PLCL2: variants seen among roughly 807,000 people sequenced by gnomAD.
PLCL2 encodes inactive phospholipase C-like protein 2.
Under a neutral mutation model 79.6 loss-of-function variants are expected in PLCL2, and 4 were observed. The observed-to-expected ratio is 0.05, with a 90% CI of 0.02 to 0.11. The LOEUF is 0.11. PLCL2 is among the 10% of genes least tolerant of loss of function. The pLI is 1.00. For synonymous variants in PLCL2, 484 were observed against 457.7 expected, an observed-to-expected ratio of 1.06 and a Z score of -0.73; for missense variants, 895 against 1,291.0, an observed-to-expected ratio of 0.69 and a Z score of 4.70.
intron 1 of PLCL2, among the ~76,000 whole-genome samples, chr3:16,969,495 C>T (rs1237373005): frequency 6.6e-6 from 1 of 151,988 alleles, no homozygotes; most frequent in Admixed American, 6.6e-5. Context: ...AGGAATTTAT[C>T]CATTTCTTCT....
intron 3 of PLCL2, among the ~76,000 whole-genome samples, chr3:17,019,634 C>T (rs2064426068): frequency 6.6e-6 from 1 of 151,994 alleles, no homozygotes; most frequent in Non-Finnish European, 1.5e-5. Context: ...TCTTGTGCCC[C>T]ATAAAGATAG....
intron 4 of PLCL2, among the ~76,000 whole-genome samples, chr3:17,054,004 T>A (rs991154015): frequency 6.6e-6 from 1 of 152,202 alleles, no homozygotes; most frequent in Non-Finnish European, 1.5e-5. Flanking sequence ...ATGGCCAGGC[T>A]GCAAATTTTT....
chr3:17,026,991 C>T (rs1465738144), intron 3 of PLCL2, among the ~76,000 whole-genome samples: 5 of 151,960 alleles, frequency 3.3e-5, no homozygotes, highest in Non-Finnish European at 7.4e-5. Context: ...TGGGATGGTA[C>T]GAATTTTAAG....
At chr3:17,003,798 C>G (rs886174054) in intron 1 of PLCL2, among the ~76,000 whole-genome samples, 3 of 152,112 alleles carry the variant, frequency 2.0e-5, no homozygotes, top group African/African-American at 4.8e-5. Flanking sequence ...TCTGCTACCC[C>G]CTGGGGCAAT....
rs114569530 is a variant in PLCL2, at chr3:16,899,885, C to T, written c.327+14519C>T. Among the ~76,000 whole-genome samples, 332 of 146,276 alleles carry T rather than the reference C, an allele frequency of 2.3e-3. 1 individual carries two copies. Among genetic ancestry groups the T allele is most frequent in the Non-Finnish European group, 3.6e-3 (240 of 66,974 alleles). Reference sequence around the variant, plus strand: ...AGAAACTATCCTATTTTAGAGGGCACGTTTACTTTTTCCCATCTCTTATTT... The same window carrying T: ...AGAAACTATCCTATTTTAGAGGGCATGTTTACTTTTTCCCATCTCTTATTT... On this transcript the variant is annotated intron_variant, in intron 1 of 5. Coordinates refer to ENST00000615277, the MANE Select transcript of PLCL2 (RefSeq NM_001144382.2).
At chr3:16,908,943 A>G (rs1421659524) in intron 1 of PLCL2, among the ~76,000 whole-genome samples, 2 of 152,180 alleles carry the variant, frequency 1.3e-5, no homozygotes, top group South Asian at 2.1e-4. Flanking sequence ...GCATCGTGAC[A>G]TCTTAAGTTA....
At chr3:16,975,730 G>A (rs2063919003) in intron 1 of PLCL2, among the ~76,000 whole-genome samples, 1 of 152,206 alleles carries the variant, frequency 6.6e-6, no homozygotes, top group Non-Finnish European at 1.5e-5. Flanking sequence ...TTGGACAGAA[G>A]TCCAGGATGA....
chr3:16,994,301 T>G (rs2064131378), intron 1 of PLCL2, among the ~76,000 whole-genome samples: 1 of 152,116 alleles, frequency 6.6e-6, no homozygotes, highest in Non-Finnish European at 1.5e-5. Flanking sequence ...ATCACTTGAG[T>G]CTTCTGGATT....
At chr3:16,927,116 G>A (rs1697274678) in intron 1 of PLCL2, among the ~76,000 whole-genome samples, 1 of 152,114 alleles carries the variant, frequency 6.6e-6, no homozygotes, top group Non-Finnish European at 1.5e-5. Context: ...TATAGCTAAA[G>A]TGAAATGTTA....
chr3:17,018,207 G>A (rs899400294), intron 3 of PLCL2, among the ~76,000 whole-genome samples: 1 of 152,118 alleles, frequency 6.6e-6, no homozygotes, highest in African/African-American at 2.4e-5. Context: ...GTGCCTGGAG[G>A]CCTGGGGCAC....
chr3:16,898,938 G>T (rs1191953015), intron 1 of PLCL2, among the ~76,000 whole-genome samples: 2 of 152,252 alleles, frequency 1.3e-5, no homozygotes, highest in Non-Finnish European at 2.9e-5. Flanking sequence ...TGGAGGGGGA[G>T]GGGGTTGCGG....
chr3:17,032,434 T>C (rs1055345097), intron 3 of PLCL2, among the ~76,000 whole-genome samples: 2 of 152,192 alleles, frequency 1.3e-5, no homozygotes, highest in African/African-American at 4.8e-5. Flanking sequence ...AGTGCATTCA[T>C]TGTTTTGATT....
At chr3:17,063,220 TCCTTCCTC>T (rs1461716077) in intron 4 of PLCL2, among the ~76,000 whole-genome samples, 9 of 55,028 alleles carry the variant, frequency 1.6e-4, no homozygotes, top group East Asian at 1.1e-3. Context: ...CTCTTTCTCT[TCCTTCCTC>T]CCTCCCTCCC....
intron 1 of PLCL2, among the ~76,000 whole-genome samples, chr3:16,893,050 G>A (rs746615091): frequency 2.0e-4 from 31 of 152,132 alleles, no homozygotes; most frequent in Non-Finnish European, 2.8e-4. Flanking sequence ...AATTTTTAAT[G>A]AGAAAAGTTT....
chr3:16,905,050 C>T (rs1450344692), intron 1 of PLCL2, among the ~76,000 whole-genome samples: 1 of 151,998 alleles, frequency 6.6e-6, no homozygotes, highest in Non-Finnish European at 1.5e-5. Context: ...AGTCTTTTTG[C>T]AAGCAGAAGC....
chr3:17,015,694 A>C (rs559964253), intron 3 of PLCL2, among the ~76,000 whole-genome samples: 1 of 152,318 alleles, frequency 6.6e-6, no homozygotes, highest in East Asian at 1.9e-4. Context: ...CTTGGGGGTG[A>C]GTACCTCATC....
At chr3:16,981,071 G>T (rs911691520) in intron 1 of PLCL2, among the ~76,000 whole-genome samples, 1 of 152,212 alleles carries the variant, frequency 6.6e-6, no homozygotes, top group Admixed American at 6.5e-5. Context: ...GTTGCAGTGA[G>T]CCGAGATGGC....
intron 1 of PLCL2, among the ~76,000 whole-genome samples, chr3:16,910,003 A>G (rs1401522113): frequency 6.6e-6 from 1 of 152,050 alleles, no homozygotes; most frequent in Non-Finnish European, 1.5e-5. Context: ...CCCAAAGCTG[A>G]TCTCTCCATC....
At chr3:16,969,216 G>A (rs887148660) in intron 1 of PLCL2, among the ~76,000 whole-genome samples, 2 of 151,988 alleles carry the variant, frequency 1.3e-5, no homozygotes, top group Non-Finnish European at 2.9e-5. Flanking sequence ...TTTTTGTTGT[G>A]TCTCTTCCAG....
Sources: gnomAD v4.1 joint callset for allele counts (sites outside exome capture counted in the v4.1 genomes callset) on GRCh38, gnomAD v4.1.1 for gene constraint, MANE v1.5 for transcripts, NCBI Gene and HGNC (gene_info 2026-07-23, HGNC 2026-07-21) for gene names.